The following PPP2R2B variants were observed in gnomAD, a reference collection of about 807,000 sequenced individuals.
PPP2R2B encodes serine/threonine-protein phosphatase 2A 55 kDa regulatory subunit B beta isoform.
Under a neutral mutation model 46.0 loss-of-function variants are expected in PPP2R2B, and 5 were observed. The ratio of observed to expected loss-of-function variants is 0.11; its 90% CI spans 0.06 to 0.23. The LOEUF is 0.23. Ranked by LOEUF, PPP2R2B falls within the 10% of genes least tolerant of loss-of-function variation. The probability of loss-of-function intolerance (pLI) is 1.00; values close to 1 mark genes in which losing one functional copy is unlikely to be tolerated. For synonymous variants in PPP2R2B, 215 were observed against 206.7 expected (o/e 1.04, Z -0.34); for missense variants, 367 against 575.0 (o/e 0.64, Z 3.70).
At chr5:146,730,945 A>G (rs547254126) in intron 2 of PPP2R2B, among the ~76,000 whole-genome samples, 1 of 152,194 alleles carries the variant, frequency 6.6e-6, no homozygotes, top group Non-Finnish European at 1.5e-5. Context: ...GCATTCCAAG[A>G]AGAAACCGAT....
intron 1 of PPP2R2B, among the ~76,000 whole-genome samples, chr5:146,997,082 G>A (rs192099632): frequency 3.3e-5 from 5 of 152,178 alleles, no homozygotes; most frequent in Non-Finnish European, 2.9e-5. Flanking sequence ...ATTTTTTCCA[G>A]TTTACTTCTA....
At chr5:146,826,522 G>A (rs1250566201) in intron 2 of PPP2R2B, among the ~76,000 whole-genome samples, 1 of 152,120 alleles carries the variant, frequency 6.6e-6, no homozygotes, top group African/African-American at 2.4e-5. Flanking sequence ...ACAAACCAGA[G>A]GTTGCACAAG....
rs369096122 is a variant in PPP2R2B, at chr5:146,971,802, A to G, written c.79+83863T>C. Among the ~76,000 whole-genome samples, 59 of 152,310 alleles carry G rather than the reference A, an allele frequency of 3.9e-4. No homozygotes were observed. The South Asian group carries it at 4.1e-3, about 11-fold the overall frequency. ...TATAGGTAAAAATTACATCTTTAAC[A>G]TACTTTTTTTATTTTGGAATAATTC... is the stretch of plus-strand genomic sequence containing the variant. On this transcript the variant is annotated intron_variant, in intron 1 of 8. Transcript: ENST00000336640.
intron 5 of PPP2R2B, among the ~76,000 whole-genome samples, chr5:146,683,354 G>T (rs542833217): frequency 5.9e-5 from 9 of 152,256 alleles, no homozygotes; most frequent in African/African-American, 2.2e-4. Flanking sequence ...CAAGAGGCAG[G>T]ACAGCAGCTT....
chr5:146,890,663 G>A (rs1279702948), intron 1 of PPP2R2B, among the ~76,000 whole-genome samples: 4 of 152,036 alleles, frequency 2.6e-5, no homozygotes. Flanking sequence ...AATATTTAAG[G>A]AATAAATATA....
intron 2 of PPP2R2B, among the ~76,000 whole-genome samples, chr5:146,866,020 A>G (rs1761292493): frequency 6.6e-6 from 1 of 152,224 alleles, no homozygotes; most frequent in Admixed American, 6.5e-5. Context: ...ATGATGGTCT[A>G]CAGGCTACTC....
chr5:146,708,322 A>T (rs915717648), intron 2 of PPP2R2B, among the ~76,000 whole-genome samples: 1 of 150,502 alleles, frequency 6.6e-6, no homozygotes, highest in Non-Finnish European at 1.5e-5. Context: ...ATGCCACTGC[A>T]CTCACACCTG....
intron 1 of PPP2R2B, among the ~76,000 whole-genome samples, chr5:147,041,255 G>C (rs1384067690): frequency 6.6e-6 from 1 of 152,150 alleles, no homozygotes; most frequent in East Asian, 1.9e-4. Flanking sequence ...GGACTGCCAA[G>C]GGCCAGTGGG....
chr5:146,636,653 G>A (rs1294330557), intron 7 of PPP2R2B, among the ~76,000 whole-genome samples: 1 of 152,162 alleles, frequency 6.6e-6, no homozygotes, highest in Non-Finnish European at 1.5e-5. Context: ...GCTTAAGAAG[G>A]ACTGGATACT....
At chr5:146,761,228 G>A (rs574822464) in intron 2 of PPP2R2B, among the ~76,000 whole-genome samples, 8 of 152,196 alleles carry the variant, frequency 5.3e-5, no homozygotes, top group East Asian at 1.9e-4. Flanking sequence ...TGTTTATTGC[G>A]GCACTGCTCA....
chr5:146,636,786 T>G (rs1166434226), intron 7 of PPP2R2B, among the ~76,000 whole-genome samples: 1 of 152,246 alleles, frequency 6.6e-6, no homozygotes, highest in Non-Finnish European at 1.5e-5. Flanking sequence ...CTATTTAACC[T>G]CATTAACCCA....
intron 5 of PPP2R2B, among the ~76,000 whole-genome samples, chr5:146,690,733 A>G (rs1327370538): frequency 6.6e-6 from 1 of 152,242 alleles, no homozygotes; most frequent in African/African-American, 2.4e-5. Context: ...CAGAATTTGA[A>G]GCCAGGTCTG....
chr5:146,644,234 C>CAAAAAAAAA (rs58634387), intron 6 of PPP2R2B, among the ~76,000 whole-genome samples: 4 of 60,660 alleles, frequency 6.6e-5, no homozygotes, highest in African/African-American at 1.9e-4. Context: ...AGGAAAGTTT[C>CAAAAAAAAA]AAAAAAAAAA....
chr5:146,863,154 T>C (rs1228009008), intron 2 of PPP2R2B, among the ~76,000 whole-genome samples: 5 of 152,054 alleles, frequency 3.3e-5, no homozygotes, highest in African/African-American at 1.2e-4. Flanking sequence ...TGTTCACAAA[T>C]GGAACTGCAC....
rs187958910 is a variant in PPP2R2B at position 146,640,436 on chromosome 5, C to G, written c.626-2021G>C. 3.8e-3 allele frequency among the ~76,000 whole-genome samples: 581 copies of G among 152,344 alleles called. 4 individuals carry two copies. Among genetic ancestry groups the G allele is most frequent in the African/African-American group, 0.013 (559 of 41,576 alleles). On this transcript the variant is annotated intron_variant, in intron 6 of 9. Transcript: ENST00000394411. Reference sequence around the variant, plus strand: ...AGAGCCTGTGCCCCTCAGGAGGAGGCTCTAGGCTGCAGCTCCGGTGCTCTC... The same window carrying G: ...AGAGCCTGTGCCCCTCAGGAGGAGGGTCTAGGCTGCAGCTCCGGTGCTCTC...
At chr5:146,823,075 C>T (rs1004560615) in intron 2 of PPP2R2B, among the ~76,000 whole-genome samples, 1 of 152,206 alleles carries the variant, frequency 6.6e-6, no homozygotes, top group Middle Eastern at 3.2e-3. Context: ...CAAAAGGTTA[C>T]ACATGCTTCT....
intron 1 of PPP2R2B, among the ~76,000 whole-genome samples, chr5:147,002,406 T>C (rs1010233099): frequency 6.6e-6 from 1 of 152,114 alleles, no homozygotes; most frequent in Non-Finnish European, 1.5e-5. Context: ...ACTCTGGAGA[T>C]CCCTTCCATC....
At chr5:147,044,300 A>G (rs1756452508) in intron 1 of PPP2R2B, among the ~76,000 whole-genome samples, 1 of 152,170 alleles carries the variant, frequency 6.6e-6, no homozygotes, top group African/African-American at 2.4e-5. Context: ...TAGAATGGCC[A>G]GGTTTGAGAG....
intron 1 of PPP2R2B, chr5:147,055,618 G>A (rs780141889): frequency 5.9e-6 from 9 of 1,522,110 alleles, no homozygotes; most frequent in Non-Finnish European, 8.2e-6. Context: ...TCAGACACCA[G>A]CCCACTTTTC....
Sources: allele counts gnomAD v4.1 joint callset (sites outside exome capture counted in the v4.1 genomes callset), GRCh38; gene constraint gnomAD v4.1.1; transcripts MANE v1.5; gene names NCBI Gene and HGNC (gene_info 2026-07-23, HGNC 2026-07-21).